Variants in ANKS1B observed in about 807,000 individuals in gnomAD.
ANKS1B encodes ankyrin repeat and sterile alpha motif domain-containing protein 1B.
Under a neutral mutation model 148.3 loss-of-function variants are expected in ANKS1B, and 36 were observed. The ratio of observed to expected loss-of-function variants is 0.24; its 90% CI spans 0.19 to 0.32. The LOEUF (loss-of-function observed/expected upper bound fraction) is 0.32. Ranked by LOEUF, ANKS1B falls within the 10% of genes least tolerant of loss-of-function variation. ANKS1B has a pLI of 1.00. For missense variants in ANKS1B, 1,157 were observed against 1,542.6 expected (o/e 0.75, Z 4.19); for synonymous variants, 542 against 560.8 (o/e 0.97, Z 0.47).
chr12:99,399,369 A>T (rs2094341194), intron 12 of ANKS1B, among the ~76,000 whole-genome samples: 1 of 152,116 alleles, frequency 6.6e-6, no homozygotes, highest in East Asian at 1.9e-4. Flanking sequence ...GCAGTGGAAG[A>T]ACATTTCCAG....
At chr12:99,837,430 T>C (rs889527719) in intron 1 of ANKS1B, among the ~76,000 whole-genome samples, 2 of 152,130 alleles carry the variant, frequency 1.3e-5, no homozygotes, top group African/African-American at 4.8e-5. Flanking sequence ...ATATGAGACG[T>C]TCAGACCTTT....
intron 10 of ANKS1B, among the ~76,000 whole-genome samples, chr12:99,491,283 C>A (rs550369179): frequency 6.7e-6 from 1 of 149,738 alleles, no homozygotes; most frequent in East Asian, 2.0e-4. Context: ...CCAGCCTGGG[C>A]GACAGAGCAA....
intron 12 of ANKS1B, among the ~76,000 whole-genome samples, chr12:99,355,329 A>G (rs1158955700): frequency 1.3e-5 from 2 of 152,114 alleles, no homozygotes; most frequent in Non-Finnish European, 2.9e-5. Context: ...TTCTCTGTGC[A>G]ATTCACTTTA....
At chr12:99,061,409 T>C (rs1215267432) in intron 16 of ANKS1B, among the ~76,000 whole-genome samples, 6 of 152,210 alleles carry the variant, frequency 3.9e-5, no homozygotes, top group Admixed American at 3.9e-4. Flanking sequence ...GAGAATCTTA[T>C]TAGCAGACGA....
intron 14 of ANKS1B, among the ~76,000 whole-genome samples, chr12:99,209,544 C>G (rs1364577915): frequency 6.6e-6 from 1 of 152,132 alleles, no homozygotes; most frequent in Non-Finnish European, 1.5e-5. Flanking sequence ...AGCTAGACAA[C>G]TCAATATAAA....
chr12:99,225,748 C>T (rs561014256), intron 14 of ANKS1B, among the ~76,000 whole-genome samples: 108 of 152,350 alleles, frequency 7.1e-4, no homozygotes, highest in African/African-American at 2.5e-3. Context: ...TTGCTAGGGG[C>T]TCTTGGGCCT....
chr12:98,915,383 A>G (rs904010405), intron 17 of ANKS1B, among the ~76,000 whole-genome samples: 1 of 151,856 alleles, frequency 6.6e-6, no homozygotes, highest in Non-Finnish European at 1.5e-5. Flanking sequence ...ACAGAGTCTC[A>G]CTCTGTTGCC....
chr12:99,067,189 A>G (rs778694800), intron 16 of ANKS1B, among the ~76,000 whole-genome samples: 50 of 152,234 alleles, frequency 3.3e-4, no homozygotes, highest in Non-Finnish European at 6.2e-4. Flanking sequence ...AGCACCAGCA[A>G]CTTTGTCAGC....
At chr12:99,527,746 G>T (rs2096941184) in intron 9 of ANKS1B, among the ~76,000 whole-genome samples, 1 of 152,048 alleles carries the variant, frequency 6.6e-6, no homozygotes, top group African/African-American at 2.4e-5. Context: ...AATAGTAATA[G>T]TATCTGCTTC....
chr12:99,177,061 A>G (rs939129339), intron 14 of ANKS1B, among the ~76,000 whole-genome samples: 2 of 152,190 alleles, frequency 1.3e-5, no homozygotes, highest in African/African-American at 4.8e-5. Context: ...CCTTCAAAGT[A>G]CCAATTTGTT....
intron 1 of ANKS1B, among the ~76,000 whole-genome samples, chr12:99,909,235 T>C (rs746158831): frequency 0.013 from 1,924 of 150,736 alleles, 17 homozygotes; most frequent in Middle Eastern, 0.02. Context: ...TGTGTGTGTG[T>C]GTGTGTGTGT....
At chr12:99,486,601 CAATACCCAATGGTGGGT>C (rs1334986069) in intron 10 of ANKS1B, among the ~76,000 whole-genome samples, 1 of 152,064 alleles carries the variant, frequency 6.6e-6, no homozygotes, top group Non-Finnish European at 1.5e-5. Flanking sequence ...TAGGTAAATG[CAATACCCAATGGTGGGT>C]AGAGGTCCCA....
At chr12:98,778,564 C>T (rs1424203012) in intron 24 of ANKS1B, among the ~76,000 whole-genome samples, 2 of 152,204 alleles carry the variant, frequency 1.3e-5, no homozygotes, top group Non-Finnish European at 2.9e-5. Context: ...TATCAATCTG[C>T]TCCTTTTCTG....
intron 9 of ANKS1B, among the ~76,000 whole-genome samples, chr12:99,584,059 T>A (rs1597522000): frequency 6.6e-6 from 1 of 152,304 alleles, no homozygotes; most frequent in Middle Eastern, 3.4e-3. Context: ...CAGGGTTCAT[T>A]TTAGAAAATG....
At chr12:99,633,958 T>C (rs1001878087) in intron 9 of ANKS1B, among the ~76,000 whole-genome samples, 7 of 152,154 alleles carry the variant, frequency 4.6e-5, no homozygotes, top group Admixed American at 6.5e-5. Context: ...TGTTTTGATA[T>C]CATGAGACTA....
chr12:99,716,562 A>G (rs1267643819), intron 8 of ANKS1B, among the ~76,000 whole-genome samples: 2 of 152,200 alleles, frequency 1.3e-5, no homozygotes, highest in Non-Finnish European at 2.9e-5. Flanking sequence ...CTTGACCCCA[A>G]TACAAACTCA....
At chr12:99,441,028 A>G (rs909011097) in intron 11 of ANKS1B, among the ~76,000 whole-genome samples, 17 of 151,868 alleles carry the variant, frequency 1.1e-4, no homozygotes, top group Admixed American at 7.2e-4. Flanking sequence ...TTATTTTCAA[A>G]GTTCAACACA....
At chr12:99,056,746 G>A (rs527843595) in intron 16 of ANKS1B, among the ~76,000 whole-genome samples, 6 of 152,306 alleles carry the variant, frequency 3.9e-5, no homozygotes, top group African/African-American at 1.4e-4. Flanking sequence ...ATATGACACA[G>A]TCAATATCTT....
chr12:99,712,312 T>A (rs1017897209), intron 8 of ANKS1B, among the ~76,000 whole-genome samples: 8 of 152,318 alleles, frequency 5.3e-5, no homozygotes, highest in Admixed American at 3.9e-4. Context: ...TCAGGATGGC[T>A]ACATCCTAAT....
Sources: allele counts gnomAD v4.1 joint callset (sites outside exome capture counted in the v4.1 genomes callset), GRCh38; gene constraint gnomAD v4.1.1; transcripts MANE v1.5; gene names NCBI Gene and HGNC (gene_info 2026-07-23, HGNC 2026-07-21).